The following PITPNC1 variants were observed in gnomAD, a reference collection of about 807,000 sequenced individuals.
PITPNC1 encodes phosphatidylinositol transfer protein cytoplasmic 1, also known as cytoplasmic phosphatidylinositol transfer protein 1.
In PITPNC1, 18 loss-of-function variants were observed where a neutral mutation model predicts 44.7. That is an observed-to-expected ratio of 0.40 (90% CI 0.28 to 0.60). The LOEUF (loss-of-function observed/expected upper bound fraction) is 0.60. Ranked by LOEUF, PITPNC1 falls within the 20% of genes least tolerant of loss-of-function variation. PITPNC1 has a pLI of 0.39. For missense variants in PITPNC1, 290 were observed against 418.4 expected, an observed-to-expected ratio of 0.69 and a Z score of 2.68; for synonymous variants, 141 against 149.6, an observed-to-expected ratio of 0.94 and a Z score of 0.42.
intron 1 of PITPNC1, among the ~76,000 whole-genome samples, chr17:67,443,402 G>A (rs1598669077): frequency 2.0e-5 from 3 of 151,682 alleles, no homozygotes; most frequent in South Asian, 4.2e-4. Context: ...GAAATTGTTC[G>A]TTTCCACTCA....
intron 1 of PITPNC1, among the ~76,000 whole-genome samples, chr17:67,402,728 G>A (rs114949296): frequency 2.6e-3 from 394 of 152,206 alleles, no homozygotes; most frequent in African/African-American, 9.1e-3. Flanking sequence ...GTGCAGTGGC[G>A]CAATCGCTGT....
intron 1 of PITPNC1, among the ~76,000 whole-genome samples, chr17:67,421,473 G>A (rs552450181): frequency 6.6e-6 from 1 of 152,058 alleles, no homozygotes; most frequent in Non-Finnish European, 1.5e-5. Context: ...ACTAGAGATG[G>A]GGTTTTACCA....
At chr17:67,475,385 A>G (rs1365366892) in intron 1 of PITPNC1, among the ~76,000 whole-genome samples, 1 of 152,170 alleles carries the variant, frequency 6.6e-6, no homozygotes, top group Non-Finnish European at 1.5e-5. Context: ...GTTTCATAAA[A>G]CAGCCCGGGG....
intron 1 of PITPNC1, among the ~76,000 whole-genome samples, chr17:67,496,560 C>T (rs951109823): frequency 6.6e-6 from 1 of 152,194 alleles, no homozygotes; most frequent in African/African-American, 2.4e-5. Flanking sequence ...ATCACAGTTC[C>T]ACTCTTGAGA....
At chr17:67,471,412 C>T in intron 1 of PITPNC1, 1 of 328,124 alleles carries the variant, frequency 3.0e-6, no homozygotes, top group Non-Finnish European at 5.8e-6. Context: ...AGTAAAGTTG[C>T]AATGAACATT....
chr17:67,590,197 AGGGGGTTGGT>A (rs1254690948), intron 5 of PITPNC1, among the ~76,000 whole-genome samples: 1 of 152,100 alleles, frequency 6.6e-6, no homozygotes, highest in Non-Finnish European at 1.5e-5. Context: ...GGGATTAGGC[AGGGGGTTGGT>A]GGGGTGGAAG....
intron 1 of PITPNC1, among the ~76,000 whole-genome samples, chr17:67,431,450 T>C (rs1041394141): frequency 6.6e-6 from 1 of 152,198 alleles, no homozygotes; most frequent in Non-Finnish European, 1.5e-5. Flanking sequence ...TTATTCATGA[T>C]GGGAACTCAG....
chr17:67,502,749 T>C (rs200449312), intron 1 of PITPNC1, among the ~76,000 whole-genome samples: 36 of 37,048 alleles, frequency 9.7e-4, no homozygotes, highest in Admixed American at 3.0e-3. Context: ...CATTGCATTG[T>C]ATTGTATTGT....
At chr17:67,472,778 A>G (rs983194644) in intron 1 of PITPNC1, among the ~76,000 whole-genome samples, 1 of 152,142 alleles carries the variant, frequency 6.6e-6, no homozygotes, top group Non-Finnish European at 1.5e-5. Flanking sequence ...TATTCATTAG[A>G]AGTGAGTCAC....
intron 1 of PITPNC1, among the ~76,000 whole-genome samples, chr17:67,429,927 T>C (rs1205065996): frequency 6.6e-6 from 1 of 152,236 alleles, no homozygotes; most frequent in Non-Finnish European, 1.5e-5. Context: ...ACTTGCTTTG[T>C]TTTTTCCATT....
chr17:67,647,428 C>A (rs548215305), intron 6 of PITPNC1, among the ~76,000 whole-genome samples: 2 of 146,106 alleles, frequency 1.4e-5, no homozygotes, highest in Admixed American at 1.4e-4. Flanking sequence ...GTAGCTGGGA[C>A]TACAGGTGCA....
At chr17:67,391,533 T>C (rs2038139478) in intron 1 of PITPNC1, among the ~76,000 whole-genome samples, 1 of 152,070 alleles carries the variant, frequency 6.6e-6, no homozygotes, top group African/African-American at 2.4e-5. Flanking sequence ...CAGGCTGGAG[T>C]GCAGTGGTGT....
At chr17:67,379,166 G>C (rs775268029) in intron 1 of PITPNC1, 1 of 985,958 alleles carries the variant, frequency 1.0e-6, no homozygotes, top group Non-Finnish European at 1.2e-6. Context: ...AGCCAAGCAA[G>C]GCAACGTGAA....
At chr17:67,683,154 C>A (rs2537842) in intron 8 of PITPNC1, among the ~76,000 whole-genome samples, 3 of 106,444 alleles carry the variant, frequency 2.8e-5, no homozygotes, top group Admixed American at 1.3e-4. Flanking sequence ...AAGAGCGAAA[C>A]TGAGTCTCAA....
intron 1 of PITPNC1, among the ~76,000 whole-genome samples, chr17:67,414,113 AG>A (rs2038551060): frequency 6.7e-6 from 1 of 148,574 alleles, no homozygotes; most frequent in African/African-American, 2.5e-5. Context: ...AAAAAAAAAT[AG>A]AGAGAATGGT....
chr17:67,418,918 C>T lies in PITPNC1; in HGVS notation c.48+40716C>T, dbSNP rs150946401. Among the ~76,000 whole-genome samples, 10 of 152,154 alleles carry T rather than the reference C, an allele frequency of 6.6e-5. No homozygotes were observed. In the East Asian group the frequency reaches 1.2e-3, roughly 18 times the overall value. ...AATAGAATCATGATGAAAATGAATG[C>T]GCTTGACCAGAGAAAATGGACACTT... On this transcript the variant is annotated intron_variant, in intron 1 of 8. Coordinates refer to ENST00000581322, the MANE Select transcript of PITPNC1 (RefSeq NM_012417.4).
intron 1 of PITPNC1, among the ~76,000 whole-genome samples, chr17:67,470,498 G>A (rs1296842450): frequency 1.3e-5 from 2 of 152,212 alleles, no homozygotes; most frequent in Admixed American, 6.5e-5. Context: ...TCATACAGAT[G>A]TAGTCTCTTG....
At chr17:67,657,459 T>C (rs1312084027) in intron 6 of PITPNC1, among the ~76,000 whole-genome samples, 1 of 152,146 alleles carries the variant, frequency 6.6e-6, no homozygotes, top group Admixed American at 6.6e-5. Flanking sequence ...TTTTTCTGTT[T>C]AATATTAAAA....
intron 6 of PITPNC1, among the ~76,000 whole-genome samples, chr17:67,636,260 C>T (rs113616769): frequency 6.2e-4 from 83 of 133,726 alleles, no homozygotes; most frequent in African/African-American, 1.6e-3. Flanking sequence ...CCAGCCCAGG[C>T]GACAGTGCGA....
Sources: allele counts gnomAD v4.1 joint callset (sites outside exome capture counted in the v4.1 genomes callset), GRCh38; gene constraint gnomAD v4.1.1; transcripts MANE v1.5; gene names NCBI Gene and HGNC (gene_info 2026-07-23, HGNC 2026-07-21).